Variants in STS observed in about 807,000 individuals in gnomAD.
STS encodes the protein steroid sulfatase, also known as steryl-sulfatase.
In STS, 7 loss-of-function variants were observed where a neutral mutation model predicts 26.8. That is an observed-to-expected ratio of 0.26 (90% CI 0.15 to 0.49). The LOEUF is 0.49. Among genes scored for constraint, STS ranks in the 20% least tolerant of loss-of-function variants. STS has a pLI of 0.98. For synonymous variants in STS, 199 were observed against 189.4 expected, an observed-to-expected ratio of 1.05 and a Z score of -0.42; for missense variants, 434 against 465.6, an observed-to-expected ratio of 0.93 and a Z score of 0.63.
chrX:7,300,516 A>G (rs971177943), intron 7 of STS, among the ~76,000 whole-genome samples: 6 of 112,088 alleles, frequency 5.4e-5, no homozygotes, highest in African/African-American at 1.9e-4. Flanking sequence ...TGTAGGATCA[A>G]TGTTATAAAA....
chrX:7,191,024 G>A lies in STS; in HGVS notation c.-5+16G>A. The A allele has an allele frequency of 4.0e-6, 3 of 750,859 alleles. No individual in the cohort carries two copies. In the South Asian group the frequency reaches 2.0e-4, roughly 51 times the overall value. The allele number at this position is 750,859 out of a possible 1,213,427, so 61.9% of individuals were successfully genotyped here. On this transcript the variant is annotated intron_variant, in intron 2 of 10. Transcript: ENST00000674429. ...TGTTCATAGCGTAAGTATGAGAGGTGCATATGTTTGTATCTTCGCCCTGAA... is the reference window on the plus strand; with the variant it reads ...TGTTCATAGCGTAAGTATGAGAGGTACATATGTTTGTATCTTCGCCCTGAA...
At chrX:7,341,210 G>A (rs780193208) in intron 10 of STS, among the ~76,000 whole-genome samples, 2 of 111,703 alleles carry the variant, frequency 1.8e-5, no homozygotes, top group African/African-American at 6.5e-5. Flanking sequence ...CCCATTAATC[G>A]AAATGTCTTC....
rs143775592 is a variant in STS, at chrX:7,253,755, T to C, written c.137+419T>C. Among the ~76,000 whole-genome samples the C allele has an allele frequency of 7.2e-3, 806 of 112,143 alleles. 5 individuals are homozygous for C. The highest frequency in any genetic ancestry group is 0.025 in the African/African-American group (767 of 30,829). ...TTACTCTCACTCTCACTCTCACTCA[T>C]GCCCAACTCTCCCTCTTCTAGCCCA... On this transcript the variant is annotated intron_variant, in intron 3 of 10. Coordinates refer to ENST00000674429, the MANE Select transcript of STS (RefSeq NM_001320752.2).
At chrX:7,206,226 G>C (rs965576505) in intron 2 of STS, among the ~76,000 whole-genome samples, 2 of 111,710 alleles carry the variant, frequency 1.8e-5, no homozygotes, top group Admixed American at 9.4e-5. Flanking sequence ...TCTTCCTCTG[G>C]AATATCTATT....
In STS at chrX:7,339,661, A is replaced by G. The variant is rs181812657; in HGVS notation, c.1363+5554A>G. Among the ~76,000 whole-genome samples, 25 of 111,948 alleles carry G rather than the reference A, an allele frequency of 2.2e-4. 1 individual carries two copies. In the East Asian group the frequency reaches 6.7e-3, roughly 30 times the overall value. On this transcript the variant is annotated intron_variant, in intron 10 of 10. Coordinates refer to ENST00000674429, the MANE Select transcript of STS (RefSeq NM_001320752.2). ...GGAGATCTAGGAAAAGGAGTGATTT[A>G]TGAGGTTAGAAAAGATTTCATAGAA...
chrX:7,168,910 A>G (rs1398899218), intron 1 of STS, among the ~76,000 whole-genome samples: 3 of 111,725 alleles, frequency 2.7e-5, no homozygotes, highest in East Asian at 2.8e-4. Flanking sequence ...ATATCATGCT[A>G]GTGATATCAG....
At chrX:7,157,513 C>T (rs1413717987) in intron 1 of STS, among the ~76,000 whole-genome samples, 4 of 111,929 alleles carry the variant, frequency 3.6e-5, no homozygotes, top group Non-Finnish European at 5.6e-5. Context: ...TAAGCATCTA[C>T]GTGGATTCAT....
chrX:7,221,633 G>A (rs1294125562), intron 2 of STS, among the ~76,000 whole-genome samples: 2 of 111,980 alleles, frequency 1.8e-5, no homozygotes, highest in African/African-American at 6.5e-5. Flanking sequence ...TAAGTGCACA[G>A]GAACCATCTT....
At chrX:7,199,067 G>A (rs1934022446) in intron 2 of STS, among the ~76,000 whole-genome samples, 1 of 111,864 alleles carries the variant, frequency 8.9e-6, no homozygotes, top group South Asian at 3.7e-4. Context: ...GCTGGCTTAT[G>A]AGAATAATTT....
intron 8 of STS, among the ~76,000 whole-genome samples, chrX:7,320,139 T>C (rs1489667881): frequency 1.0e-5 from 1 of 99,446 alleles, no homozygotes; most frequent in Non-Finnish European, 2.0e-5. Context: ...ATATTTTTAT[T>C]ATATATTTAT....
chrX:7,225,887 A>T (rs1469208892), intron 2 of STS, among the ~76,000 whole-genome samples: 1 of 112,209 alleles, frequency 8.9e-6, no homozygotes, highest in Non-Finnish European at 1.9e-5. Flanking sequence ...TCCTAGATGC[A>T]TCCCGGAATG....
At chrX:7,151,991 C>T (rs757855045) in intron 1 of STS, among the ~76,000 whole-genome samples, 5 of 111,516 alleles carry the variant, frequency 4.5e-5, no homozygotes, top group African/African-American at 1.3e-4. Context: ...CTCACTCTTT[C>T]GCCCAGGCTG....
chrX:7,272,467 G>T (rs1473594231), intron 6 of STS, among the ~76,000 whole-genome samples: 3 of 111,507 alleles, frequency 2.7e-5, no homozygotes, highest in Non-Finnish European at 5.6e-5. Context: ...AAAGTAACGA[G>T]ATTTAGGACA....
At chrX:7,188,478 G>A in intron 1 of STS, among the ~76,000 whole-genome samples, 1 of 111,980 alleles carries the variant, frequency 8.9e-6, no homozygotes. Context: ...TGTTCCTGGT[G>A]GGGTAAAATT....
chrX:7,254,799 G>A (rs1923325192), intron 3 of STS, among the ~76,000 whole-genome samples: 1 of 109,544 alleles, frequency 9.1e-6, no homozygotes, highest in African/African-American at 3.3e-5. Context: ...TGGCCAGGCT[G>A]GTCTCAAACT....
At chrX:7,319,997 TA>T (rs1227778152) in intron 8 of STS, among the ~76,000 whole-genome samples, 3,141 of 93,476 alleles carry the variant, frequency 0.034, 155 homozygotes, top group African/African-American at 0.12. Flanking sequence ...TTTATATATA[TA>T]TTTTTATATA....
intron 2 of STS, among the ~76,000 whole-genome samples, chrX:7,243,274 G>A (rs763171862): frequency 8.9e-6 from 1 of 112,082 alleles, no homozygotes; most frequent in Admixed American, 9.4e-5. Flanking sequence ...TGTTCCTGCA[G>A]CTGGTCTTGA....
intron 7 of STS, among the ~76,000 whole-genome samples, chrX:7,276,690 CCTGCAGCTGG>C (rs1924555120): frequency 1.8e-5 from 2 of 111,935 alleles, no homozygotes; most frequent in African/African-American, 6.5e-5. Flanking sequence ...ATCCAGAATA[CCTGCAGCTGG>C]CTACAGCCTT....
At chrX:7,327,057 G>A (rs1927511947) in intron 9 of STS, among the ~76,000 whole-genome samples, 1 of 111,794 alleles carries the variant, frequency 8.9e-6, no homozygotes, top group Non-Finnish European at 1.9e-5. Flanking sequence ...TGTATTGAGC[G>A]ACGCTTATTA....
Sources: gnomAD v4.1 joint callset for allele counts (sites outside exome capture counted in the v4.1 genomes callset) on GRCh38, gnomAD v4.1.1 for gene constraint, MANE v1.5 for transcripts, NCBI Gene and HGNC (gene_info 2026-07-23, HGNC 2026-07-21) for gene names.